Variants in PDK1 observed in about 807,000 individuals in gnomAD.
PDK1 encodes the protein pyruvate dehydrogenase kinase 1, also known as [Pyruvate dehydrogenase (acetyl-transferring)] kinase isozyme 1, mitochondrial.
PDK1 carries 39 observed loss-of-function variants against 54.2 expected under a neutral mutation model. The ratio of observed to expected loss-of-function variants is 0.72; its 90% confidence interval spans 0.56 to 0.94. PDK1 has a LOEUF of 0.94. Among genes scored for constraint, PDK1 ranks in the 40% least tolerant of loss-of-function variants. The probability of loss-of-function intolerance (pLI) is 0.00; values close to 1 mark genes in which losing one functional copy is unlikely to be tolerated. For synonymous variants in PDK1, 221 were observed against 207.1 expected, an observed-to-expected ratio of 1.07 and a Z score of -0.58; for missense variants, 552 against 566.0, an observed-to-expected ratio of 0.98 and a Z score of 0.25.
At chr2:172,708,046 T>C in the PDK1 span, among the ~76,000 whole-genome samples, 1 of 152,126 alleles carries the variant, frequency 6.6e-6, no homozygotes, top group African/African-American at 2.4e-5. Context: ...CTCACACCTG[T>C]ATCTCAGCAG....
intron 2 of PDK1, among the ~76,000 whole-genome samples, chr2:172,559,541 T>G (rs1001688561): frequency 2.6e-5 from 4 of 152,128 alleles, no homozygotes; most frequent in African/African-American, 9.7e-5. Context: ...TTCATTGTTA[T>G]TATTTTTATT....
chr2:172,621,735 TA>T, the PDK1 span, among the ~76,000 whole-genome samples: 1 of 146,698 alleles, frequency 6.8e-6, no homozygotes, highest in Non-Finnish European at 1.5e-5. Flanking sequence ...TTATATCTCA[TA>T]TATGTCATAT....
chr2:172,555,550 G>A (rs933239924), upstream of PDK1: 6 of 152,128 alleles, frequency 3.9e-5, no homozygotes, highest in Admixed American at 1.3e-4. Flanking sequence ...ACTACTGTTT[G>A]GCAAGCGGGG....
chr2:172,582,691 C>A (rs561957754), intron 8 of PDK1, among the ~76,000 whole-genome samples: 1 of 152,322 alleles, frequency 6.6e-6, no homozygotes, highest in African/African-American at 2.4e-5. Flanking sequence ...TATTCCCTCC[C>A]TCCCTTTTCC....
At chr2:172,714,417 AT>A in the PDK1 span, among the ~76,000 whole-genome samples, 1 of 151,816 alleles carries the variant, frequency 6.6e-6, no homozygotes, top group Non-Finnish European at 1.5e-5. Flanking sequence ...TACCCACAAA[AT>A]TTTTTCTTTA....
intron 6 of PDK1, 87 bp downstream of exon 6, chr2:172,567,020 A>G: frequency 1.1e-6 from 1 of 881,152 alleles, no homozygotes; most frequent in Non-Finnish European, 1.8e-6. Flanking sequence ...ATGGAAGATG[A>G]CTTTTTATCA....
chr2:172,680,176 A>G, the PDK1 span, among the ~76,000 whole-genome samples: 1 of 152,072 alleles, frequency 6.6e-6, no homozygotes, highest in African/African-American at 2.4e-5. Context: ...TCTTTATCAC[A>G]ATTGCATATT....
intron 8 of PDK1, among the ~76,000 whole-genome samples, chr2:172,583,022 A>G (rs1239173636): frequency 6.6e-6 from 1 of 152,194 alleles, no homozygotes; most frequent in East Asian, 1.9e-4. Flanking sequence ...AAACCAGGAA[A>G]TATTTACTCA....
At chr2:172,706,211 G>A in the PDK1 span, among the ~76,000 whole-genome samples, 228 of 151,516 alleles carry the variant, frequency 1.5e-3, no homozygotes, top group Non-Finnish European at 2.4e-3. Flanking sequence ...GTTATTTCAA[G>A]ATGTCCTTTC....
chr2:172,596,170 TCA>T lies in PDK1; in HGVS notation c.*204_*205del. The T allele has an allele frequency of 2.3e-6, 1 of 428,670 alleles. No individual in the cohort carries two copies. The allele number at this position is 428,670 out of a possible 1,614,324, so 26.6% of individuals were successfully genotyped here. ...TTGCACCTATTTTACACTTATATTT[TCA>T]CAGTTAATTGAACATATTTTTAAAC... On this transcript the variant is annotated 3_prime_UTR_variant, in exon 11 of 11. Transcript: ENST00000282077.
At chr2:172,714,233 T>C in the PDK1 span, among the ~76,000 whole-genome samples, 4 of 152,216 alleles carry the variant, frequency 2.6e-5, no homozygotes, top group African/African-American at 9.6e-5. Context: ...ATTGACACTT[T>C]TTAACAAAAA....
At chr2:172,560,318 A>G (rs982738952) in intron 2 of PDK1, among the ~76,000 whole-genome samples, 1 of 152,156 alleles carries the variant, frequency 6.6e-6, no homozygotes, top group Non-Finnish European at 1.5e-5. Flanking sequence ...GCCATGCGCC[A>G]CCATACCTGA....
the PDK1 span, among the ~76,000 whole-genome samples, chr2:172,614,960 T>C: frequency 6.6e-6 from 1 of 152,260 alleles, no homozygotes; most frequent in Non-Finnish European, 1.5e-5. Context: ...ATCTGTTAAG[T>C]ATTAGTACAC....
chr2:172,658,879 A>G, the PDK1 span, among the ~76,000 whole-genome samples: 1 of 152,208 alleles, frequency 6.6e-6, no homozygotes, highest in Non-Finnish European at 1.5e-5. Flanking sequence ...ATGTTTATCA[A>G]GACAATATGT....
the PDK1 span, among the ~76,000 whole-genome samples, chr2:172,704,677 T>C: frequency 6.6e-6 from 1 of 152,178 alleles, no homozygotes; most frequent in Admixed American, 6.5e-5. Flanking sequence ...TGCTTTATTT[T>C]AGCACGTACC....
chr2:172,617,274 A>C, the PDK1 span, among the ~76,000 whole-genome samples: 1 of 152,160 alleles, frequency 6.6e-6, no homozygotes, highest in South Asian at 2.1e-4. Flanking sequence ...AATTCAAATA[A>C]TACTTAAGAA....
At chr2:172,666,512 G>A in the PDK1 span, among the ~76,000 whole-genome samples, 1 of 152,226 alleles carries the variant, frequency 6.6e-6, no homozygotes, top group Admixed American at 6.5e-5. Context: ...AGCCCCTACT[G>A]CTGTGTCGTT....
chr2:172,637,595 C>T, the PDK1 span, among the ~76,000 whole-genome samples: 1 of 152,128 alleles, frequency 6.6e-6, no homozygotes, highest in Non-Finnish European at 1.5e-5. Context: ...ATTTAAGTCA[C>T]CATAATTTAG....
chr2:172,601,579 G>A lies in PDK1; in HGVS notation c.*5610G>A, dbSNP rs896724667. On this transcript the variant is annotated 3_prime_UTR_variant, in exon 11 of 11. Coordinates refer to ENST00000282077, the MANE Select transcript of PDK1 (RefSeq NM_002610.5). The stretch of plus-strand genomic sequence containing the variant: ...TGAAGAGGTGCCTTCCACCATGATT[G>A]TGAGTTTCTGGAGGCTTCTGCAGCC... The A allele has an allele frequency of 6.6e-6, 1 of 152,206 alleles. No homozygotes were observed. The highest frequency in any genetic ancestry group is 1.5e-5 in the Non-Finnish European group (1 of 68,060). The allele number at this position is 152,206 out of a possible 1,614,324, so 9.4% of individuals were successfully genotyped here. A position where few individuals can be genotyped will look rare whatever the true frequency, so the allele number is the denominator to read the frequency against.
Sources: allele counts gnomAD v4.1 joint callset (sites outside exome capture counted in the v4.1 genomes callset), GRCh38; gene constraint gnomAD v4.1.1; transcripts MANE v1.5; gene names NCBI Gene and HGNC (gene_info 2026-07-23, HGNC 2026-07-21).